Variants in AXDND1 observed in about 807,000 individuals in gnomAD.
AXDND1 encodes axonemal dynein light chain domain-containing protein 1.
Under a neutral mutation model 137.5 loss-of-function variants are expected in AXDND1, and 110 were observed. The ratio of observed to expected loss-of-function variants is 0.80; its 90% CI spans 0.69 to 0.94. The LOEUF is 0.94. Ranked by LOEUF, AXDND1 falls within the 40% of genes least tolerant of loss-of-function variation. The pLI is 0.00. For synonymous variants in AXDND1, 414 were observed against 399.7 expected, an observed-to-expected ratio of 1.04 and a Z score of -0.43; for missense variants, 1,191 against 1,169.8, an observed-to-expected ratio of 1.02 and a Z score of -0.26.
At chr1:179,502,899 C>A (rs1668154673) in intron 20 of AXDND1, among the ~76,000 whole-genome samples, 1 of 151,876 alleles carries the variant, frequency 6.6e-6, no homozygotes, top group African/African-American at 2.4e-5. Flanking sequence ...AGATCAAGAC[C>A]AGCCTGACCA....
chr1:179,552,593 G>T lies in AXDND1; in HGVS notation c.3032-1919G>T, dbSNP rs536934083. 1.9e-6 allele frequency: 3 copies of T among 1,609,686 alleles called. No homozygotes were observed. The highest frequency in any genetic ancestry group is 2.5e-6 in the Non-Finnish European group (3 of 1,176,512). On this transcript the variant is annotated intron_variant, in intron 25 of 25. Transcript: ENST00000367618. ...AAAGGGCAGTCTGGGTGGGAGGATG[G>T]AGTGCTCACCCGCACTTTGGCTTGT...
chr1:179,493,326 C>T (rs1349997877), intron 20 of AXDND1, among the ~76,000 whole-genome samples: 2 of 152,024 alleles, frequency 1.3e-5, no homozygotes, highest in Non-Finnish European at 2.9e-5. Flanking sequence ...CATATTGTTG[C>T]TTTTATCAAC....
At chr1:179,474,865 C>A (rs527543026) in intron 17 of AXDND1, among the ~76,000 whole-genome samples, 1 of 152,204 alleles carries the variant, frequency 6.6e-6, no homozygotes, top group Non-Finnish European at 1.5e-5. Context: ...TCAGACCAAC[C>A]CCTCTTATCA....
At chr1:179,514,835 A>G (rs1669381005) in intron 21 of AXDND1, among the ~76,000 whole-genome samples, 1 of 152,086 alleles carries the variant, frequency 6.6e-6, no homozygotes, top group Non-Finnish European at 1.5e-5. Flanking sequence ...TTGTCTCTTC[A>G]ACTGCTGTTG....
At chr1:179,455,314 T>C (rs1247420421) in intron 16 of AXDND1, 2 of 140,372 alleles carry the variant, frequency 1.4e-5, no homozygotes, top group African/African-American at 2.6e-5. Context: ...AAAAAGAGGC[T>C]GGGTGCGGTG....
intron 10 of AXDND1, among the ~76,000 whole-genome samples, chr1:179,394,739 T>C (rs1650781404): frequency 6.6e-6 from 1 of 152,200 alleles, no homozygotes; most frequent in Non-Finnish European, 1.5e-5. Context: ...ATCTAACTTT[T>C]AACCTTGAAG....
Position 179,432,322 on chromosome 1 carries a change from G to T in AXDND1, c.1543G>T (p.Asp515Tyr), listed in dbSNP as rs1261171021. ...AAATATATTTAATTCAGTTCTTTTA[G>T]ACTTCAAACAGTGGCAGAAGGTAAG... ...KGNIFNSVLL[D>Y]FKQWQKILNE... The change falls in exon 15 of 26, where the codon GAC becomes TAC. Residue 515 changes from aspartate to tyrosine, a missense_variant. Asp to Tyr is a radical substitution (Grantham distance 160). Coordinates refer to ENST00000367618, the MANE Select transcript of AXDND1 (RefSeq NM_144696.6). 3 of 1,570,882 alleles carry T rather than the reference G, an allele frequency of 1.9e-6. No homozygotes were observed. Among genetic ancestry groups the T allele is most frequent in the South Asian group, 2.3e-5 (2 of 85,916 alleles).
At position 179,542,510 on chromosome 1, in the gene AXDND1, G is replaced by A. The variant is rs967787401; in HGVS notation, c.3031+7548G>A. Among the ~76,000 whole-genome samples, 18 of 152,108 alleles carry A rather than the reference G, an allele frequency of 1.2e-4. 1 individual carries two copies. The highest frequency in any genetic ancestry group is 8.5e-4 in the Admixed American group (13 of 15,264). ...TCTGACAATCAGTCCTTAGTTTTAGGTTTGAATGCATGTGAGAGAGTTTTC... is the reference window on the plus strand; with the variant it reads ...TCTGACAATCAGTCCTTAGTTTTAGATTTGAATGCATGTGAGAGAGTTTTC... On this transcript the variant is annotated intron_variant, in intron 25 of 25. Transcript: ENST00000367618.
chr1:179,519,830 C>T (rs4651041), intron 21 of AXDND1, among the ~76,000 whole-genome samples: 47,068 of 151,968 alleles, frequency 0.31, 7,841 homozygotes, highest in Middle Eastern at 0.43. Context: ...GTGATGCTTT[C>T]GGCTTTGTTC....
At chr1:179,403,002 A>G (rs1327379527) in intron 11 of AXDND1, among the ~76,000 whole-genome samples, 3 of 152,218 alleles carry the variant, frequency 2.0e-5, no homozygotes, top group African/African-American at 4.8e-5. Flanking sequence ...CTGTTGAACA[A>G]TGTAGGGGTT....
chr1:179,522,316 G>A (rs1450257046), intron 21 of AXDND1, among the ~76,000 whole-genome samples: 1 of 151,952 alleles, frequency 6.6e-6, no homozygotes. Context: ...AGTCCTATTT[G>A]ATTCTTTTTC....
At chr1:179,372,864 T>G (rs11577063) in intron 4 of AXDND1, among the ~76,000 whole-genome samples, 115,482 of 151,854 alleles carry the variant, frequency 0.76, 44,149 homozygotes, top group Admixed American at 0.81. Context: ...TGTATTTTTA[T>G]TAGAGACCGG....
chr1:179,381,389 G>A (rs1279673329), intron 6 of AXDND1, among the ~76,000 whole-genome samples: 1 of 145,186 alleles, frequency 6.9e-6, no homozygotes, highest in Admixed American at 7.0e-5. Context: ...TGTCACCTGG[G>A]CTGGAGGGAA....
intron 25 of AXDND1, among the ~76,000 whole-genome samples, chr1:179,549,158 T>TA (rs1461072802): frequency 2.0e-5 from 3 of 152,218 alleles, no homozygotes. Context: ...ATCATGGTTT[T>TA]AGATTGTACT....
At chr1:179,533,968 C>A in intron 24 of AXDND1, 91 bp downstream of exon 24, 2 of 1,082,508 alleles carry the variant, frequency 1.8e-6, no homozygotes, top group Non-Finnish European at 2.8e-6. Context: ...TTCCCTTTGG[C>A]TCTCCTGCTT....
intron 9 of AXDND1, among the ~76,000 whole-genome samples, chr1:179,385,951 C>T (rs1205749125): frequency 2.0e-5 from 3 of 151,812 alleles, no homozygotes; most frequent in East Asian, 1.9e-4. Flanking sequence ...GCCCTACTCT[C>T]ATTTGCATTG....
At chr1:179,386,294 T>C (rs12748264) in intron 9 of AXDND1, among the ~76,000 whole-genome samples, 44,223 of 151,856 alleles carry the variant, frequency 0.29, 6,638 homozygotes, top group Non-Finnish European at 0.31. Context: ...GTGATCTGCC[T>C]GCCTTGGCCT....
intron 12 of AXDND1, among the ~76,000 whole-genome samples, chr1:179,412,778 T>A (rs973954928): frequency 1.6e-4 from 25 of 152,192 alleles, no homozygotes; most frequent in African/African-American, 3.1e-4. Context: ...CTCTTTAAAA[T>A]TTTTTTTCCC....
Position 179,439,732 on chromosome 1 carries a change from G to A in AXDND1, c.1564-5238G>A, listed in dbSNP as rs566725925. Among the ~76,000 whole-genome samples, 118 of 152,242 alleles carry A rather than the reference G, an allele frequency of 7.8e-4. 1 individual carries two copies. Among genetic ancestry groups the A allele is most frequent in the African/African-American group, 2.7e-3 (112 of 41,540 alleles). On this transcript the variant is annotated intron_variant, in intron 15 of 25. Transcript: ENST00000367618. ...CCAGGTTATGAGGGTTGATGTCATCGTGACCCTTGTCAGCCTTCTCTCCGT... is the reference window on the plus strand; with the variant it reads ...CCAGGTTATGAGGGTTGATGTCATCATGACCCTTGTCAGCCTTCTCTCCGT...
Sources: allele counts gnomAD v4.1 joint callset (sites outside exome capture counted in the v4.1 genomes callset), GRCh38; gene constraint gnomAD v4.1.1; transcripts MANE v1.5; gene names NCBI Gene and HGNC (gene_info 2026-07-23, HGNC 2026-07-21).